ZNF510: variants seen among roughly 807,000 people sequenced by gnomAD.
ZNF510 encodes zinc finger protein 510.
In ZNF510, 15 loss-of-function variants were observed where a neutral mutation model predicts 18.1. The ratio of observed to expected loss-of-function variants is 0.83; its 90% CI spans 0.55 to 1.28. The LOEUF (loss-of-function observed/expected upper bound fraction) is 1.28, where lower values mean the gene tolerates loss of function less well. Ranked by LOEUF, ZNF510 falls within the 50% of genes most tolerant of loss-of-function variation. The pLI, the probability that ZNF510 is intolerant of heterozygous loss-of-function variation, is 0.00. For missense variants in ZNF510, 724 were observed against 791.8 expected (o/e 0.91, Z 1.03); for synonymous variants, 261 against 266.4 (o/e 0.98, Z 0.20).
chr9:96,768,695 C>G (rs1849526774), intron 3 of ZNF510, among the ~76,000 whole-genome samples: 1 of 152,012 alleles, frequency 6.6e-6, no homozygotes, highest in East Asian at 1.9e-4. Flanking sequence ...ATCAGAGGAC[C>G]CAAATAAATG....
chr9:96,756,946 ATAAC>A lies in ZNF510; in HGVS notation c.*1828_*1831del, dbSNP rs1463434593. 1.4e-4 allele frequency: 21 copies of A among 152,356 alleles called. No individual in the cohort carries two copies. Among genetic ancestry groups the A allele is most frequent in the African/African-American group, 5.1e-4 (21 of 41,584 alleles). The allele number at this position is 152,356 out of a possible 1,614,324, so 9.4% of individuals were successfully genotyped here. On this transcript the variant is annotated 3_prime_UTR_variant, in exon 6 of 6. Transcript: ENST00000223428. ...ATTACAGGGAATTAGAATTCTCTCTATAACTTATGGGAATTAATCCCTACTACAC... is the reference window on the plus strand; with the variant it reads ...ATTACAGGGAATTAGAATTCTCTCTATTATGGGAATTAATCCCTACTACAC...
chr9:96,776,596 G>A (rs975180468), intron 1 of ZNF510, among the ~76,000 whole-genome samples: 10 of 152,178 alleles, frequency 6.6e-5, no homozygotes, highest in Non-Finnish European at 1.0e-4. Flanking sequence ...CCAATATGGT[G>A]AAACCCCACC....
Position 96,758,683 on chromosome 9 carries a change from GTCT to G in ZNF510, c.*92_*94del, listed in dbSNP as rs1849251221. The G allele has an allele frequency of 7.8e-7, 1 of 1,287,662 alleles. No homozygotes were observed. Among genetic ancestry groups the G allele is most frequent in the Non-Finnish European group, 1.1e-6 (1 of 942,582 alleles). The allele number at this position is 1,287,662 out of a possible 1,614,324, so 79.8% of individuals were successfully genotyped here. The stretch of plus-strand genomic sequence containing the variant: ...ACAGTGAGGGTTTACTTCTGGGACT[GTCT>G]TCTTACATTCACTACCCTCAATTGG... On this transcript the variant is annotated 3_prime_UTR_variant, in exon 6 of 6. Transcript: ENST00000223428.
chr9:96,762,353 C>T (rs908770658), intron 5 of ZNF510, among the ~76,000 whole-genome samples: 2 of 151,208 alleles, frequency 1.3e-5, no homozygotes, highest in African/African-American at 2.4e-5. Flanking sequence ...ACTAAAAATA[C>T]AAAAAATTGG....
At chr9:96,775,046 T>C (rs1308733958) in intron 2 of ZNF510, among the ~76,000 whole-genome samples, 200 bp from the exon 3 acceptor site, 4 of 148,646 alleles carry the variant, frequency 2.7e-5, no homozygotes, top group Non-Finnish European at 5.9e-5. Flanking sequence ...GAACCCTTGC[T>C]GTGTGTGTGT....
Position 96,757,365 on chromosome 9 carries a change from A to T in ZNF510, c.*1413T>A, listed in dbSNP as rs1849220685. The T allele has an allele frequency of 6.6e-6, 1 of 152,238 alleles. No individual in the cohort carries two copies. The highest frequency in any genetic ancestry group is 6.5e-5 in the Admixed American group (1 of 15,288). The allele number at this position is 152,238 out of a possible 1,614,324, so 9.4% of individuals were successfully genotyped here. A position where few individuals can be genotyped will look rare whatever the true frequency, so the allele number is the denominator to read the frequency against. On this transcript the variant is annotated 3_prime_UTR_variant, in exon 6 of 6. Coordinates refer to ENST00000223428, the MANE Select transcript of ZNF510 (RefSeq NM_014930.3). ...ATTCAGCCAAAAGACTTTTAGGTTCATGCAAAGCCCTGTATCAGGTGGTAC... is the reference window on the plus strand; with the variant it reads ...ATTCAGCCAAAAGACTTTTAGGTTCTTGCAAAGCCCTGTATCAGGTGGTAC...
chr9:96,772,961 A>T (rs549321507), intron 3 of ZNF510, among the ~76,000 whole-genome samples: 6 of 152,344 alleles, frequency 3.9e-5, no homozygotes, highest in African/African-American at 1.4e-4. Flanking sequence ...GGAAAAACAA[A>T]TGAAAAAATG....
In ZNF510 at chr9:96,754,994, T is replaced by C. The variant is rs1849162289; in HGVS notation, c.*3784A>G. On this transcript the variant is annotated 3_prime_UTR_variant, in exon 6 of 6. Coordinates refer to ENST00000223428, the MANE Select transcript of ZNF510 (RefSeq NM_014930.3). The stretch of plus-strand genomic sequence containing the variant: ...AAAAGACCATGAGTTGCTAAGGAGA[T>C]CAACCAGGCAAGGAGAGGGAGCATA... Among the ~76,000 whole-genome samples, 1 of 152,066 alleles carries C rather than the reference T, an allele frequency of 6.6e-6. No homozygotes were observed. The highest frequency in any genetic ancestry group is 1.5e-5 in the Non-Finnish European group (1 of 68,020).
intron 5 of ZNF510, among the ~76,000 whole-genome samples, chr9:96,762,368 G>A (rs1849368664): frequency 6.6e-6 from 1 of 151,846 alleles, no homozygotes; most frequent in African/African-American, 2.4e-5. Flanking sequence ...AATTGGCTGG[G>A]TGTGGTGGCA....
At chr9:96,777,395 T>C (rs1849724746) in intron 1 of ZNF510, among the ~76,000 whole-genome samples, 1 of 152,210 alleles carries the variant, frequency 6.6e-6, no homozygotes, top group African/African-American at 2.4e-5. Context: ...TCTCATCCTT[T>C]GTGAGCTTGG....
At chr9:96,768,357 A>T (rs1361235941) in intron 3 of ZNF510, among the ~76,000 whole-genome samples, 2 of 152,206 alleles carry the variant, frequency 1.3e-5, no homozygotes, top group East Asian at 3.8e-4. Flanking sequence ...TGGAAGTTCT[A>T]GCTAGAGGAA....
rs1317946947 is a variant in ZNF510, at chr9:96,757,168, C to T, written c.*1610G>A. ...AAGCCATATAAATCTGAGTCCCTCC[C>T]CTCTCTGGAGGTTTCCCATAATACT... is the stretch of plus-strand genomic sequence containing the variant. On this transcript the variant is annotated 3_prime_UTR_variant, in exon 6 of 6. Coordinates refer to ENST00000223428, the MANE Select transcript of ZNF510 (RefSeq NM_014930.3). 1 of 152,164 alleles carries T rather than the reference C, an allele frequency of 6.6e-6. No individual in the cohort carries two copies. Among genetic ancestry groups the T allele is most frequent in the African/African-American group, 2.4e-5 (1 of 41,418 alleles). The allele number at this position is 152,164 out of a possible 1,614,324, so 9.4% of individuals were successfully genotyped here.
intron 1 of ZNF510, among the ~76,000 whole-genome samples, chr9:96,776,750 C>T (rs1415419647): frequency 6.6e-6 from 1 of 152,086 alleles, no homozygotes; most frequent in Non-Finnish European, 1.5e-5. Context: ...ACACCACTGC[C>T]CTCCAGCCTG....
intron 3 of ZNF510, among the ~76,000 whole-genome samples, chr9:96,764,910 T>C (rs10116661): frequency 0.059 from 9,005 of 151,982 alleles, 880 homozygotes; most frequent in African/African-American, 0.2. Context: ...GTCAGGAGTT[T>C]GAGACCAGCC....
Position 96,764,843 on chromosome 9 carries a change from G to A in ZNF510, c.130-1211C>T, listed in dbSNP as rs185428407. Among the ~76,000 whole-genome samples, 30 of 152,118 alleles carry A rather than the reference G, an allele frequency of 2.0e-4. 1 individual carries two copies. Among genetic ancestry groups the A allele is most frequent in the South Asian group, 4.2e-4 (2 of 4,812 alleles). ...AAAAAATGAGTAACGGGCCGGGTGC[G>A]GTGGCTCATGCCTGTAATCCTAGCA... On this transcript the variant is annotated intron_variant, in intron 3 of 5. Transcript: ENST00000223428.
rs1180554807 is a variant in ZNF510 at position 96,778,069 on chromosome 9, CAG to C, written c.-214_-213del. On this transcript the variant is annotated 5_prime_UTR_variant, in exon 1 of 6. Transcript: ENST00000223428. ...AACCCTCTGCACCAGCAAACACTAA[CAG>C]GGAGAAGCCGGAAAGTGGGGTTGAC... 2 of 152,420 alleles carry C rather than the reference CAG, an allele frequency of 1.3e-5. No individual in the cohort carries two copies. The highest frequency in any genetic ancestry group is 2.4e-5 in the African/African-American group (1 of 41,586). 9.4% of individuals were successfully genotyped at this position (152,420 alleles called of 1,614,324 possible).
intron 3 of ZNF510, among the ~76,000 whole-genome samples, chr9:96,765,210 T>C (rs1364295459): frequency 1.3e-5 from 2 of 152,228 alleles, no homozygotes; most frequent in African/African-American, 2.4e-5. Flanking sequence ...AAAATTGCTA[T>C]GCACCTGGCA....
Position 96,763,205 on chromosome 9 carries a change from A to G in ZNF510, c.265T>C (p.Cys89Arg), listed in dbSNP as rs3780548. The change falls in exon 5 of 6, where the codon TGT (cysteine) becomes CGT (arginine). Residue 89 changes from cysteine (C) to arginine (R), a missense_variant. By Grantham distance (180) the Cys-to-Arg change is radical. Transcript: ENST00000223428. ...YSNLVSVGYCCFKPEVIFKLE... is the reference protein window; with the variant it reads ...YSNLVSVGYCRFKPEVIFKLE... ...TTGAAGATCACCTCTGGTTTGAAACAGCAGTACCCTGTTAATAAAACACAA... is the reference window on the plus strand; with the variant it reads ...TTGAAGATCACCTCTGGTTTGAAACGGCAGTACCCTGTTAATAAAACACAA... 30,830 of 1,613,850 alleles carry G rather than the reference A, an allele frequency of 0.019. 2,073 individuals carry two copies. In the African/African-American group the frequency reaches 0.21, roughly 11 times the overall value.
At chr9:96,771,725 A>G (rs185926175) in intron 3 of ZNF510, among the ~76,000 whole-genome samples, 55 of 152,274 alleles carry the variant, frequency 3.6e-4, no homozygotes, top group South Asian at 1.0e-3. Flanking sequence ...AAAAGAATCC[A>G]CAGATAAGCT....
Sources: gnomAD v4.1 joint callset for allele counts (sites outside exome capture counted in the v4.1 genomes callset) on GRCh38, gnomAD v4.1.1 for gene constraint, MANE v1.5 for transcripts, NCBI Gene and HGNC (gene_info 2026-07-23, HGNC 2026-07-21) for gene names.